NEXMIF: variants seen among roughly 807,000 people sequenced by gnomAD.
NEXMIF encodes the protein neurite extension and migration factor.
Under a neutral mutation model 62.1 loss-of-function variants are expected in NEXMIF, and 8 were observed. The observed-to-expected ratio is 0.13, with a 90% CI of 0.08 to 0.23. NEXMIF has a LOEUF of 0.23. Among genes scored for constraint, NEXMIF ranks in the 10% least tolerant of loss-of-function variants. The probability of loss-of-function intolerance (pLI) is 1.00; values close to 1 mark genes in which losing one functional copy is unlikely to be tolerated. For missense variants in NEXMIF, 976 were observed against 1,113.3 expected (o/e 0.88, Z 1.75); for synonymous variants, 404 against 416.6 (o/e 0.97, Z 0.37).
In NEXMIF at chrX:74,745,647, C is replaced by T; in HGVS notation, c.4G>A (p.Asp2Asn). The T allele has an allele frequency of 8.6e-7, 1 of 1,156,783 alleles. No homozygotes were observed. Among genetic ancestry groups the T allele is most frequent in the Non-Finnish European group, 1.2e-6 (1 of 845,596 alleles). Reference protein sequence around the residue: MDNQQDKAIVAS... With the variant: MNNQQDKAIVAS... Reference sequence around the variant, plus strand: ...ACAATAGCCTTATCTTGTTGGTTATCCATGAATATAACCTCTTATTGTTTC... The same window carrying T: ...ACAATAGCCTTATCTTGTTGGTTATTCATGAATATAACCTCTTATTGTTTC... The change falls in exon 2 of 4, where the codon GAT becomes AAT. Residue 2 changes from aspartate to asparagine, a missense_variant. Transcript: ENST00000055682.
In NEXMIF at chrX:74,875,308, G is replaced by A. The variant is rs182594441; in HGVS notation, c.-48+49575C>T. Among the ~76,000 whole-genome samples the A allele has an allele frequency of 6.0e-4, 67 of 111,497 alleles. 1 individual carries two copies. The highest frequency in any genetic ancestry group is 1.7e-3 in the African/African-American group (53 of 30,668). On this transcript the variant is annotated intron_variant, in intron 1 of 3. Coordinates refer to ENST00000055682, the MANE Select transcript of NEXMIF (RefSeq NM_001008537.3). ...TGCTGGATTACATTTATTGATTTGC[G>A]TATATTGAACCAGCCTTGCATCCCA...
Position 74,920,253 on chromosome X carries a change from G to T in NEXMIF, c.-48+4630C>A, listed in dbSNP as rs976819731. 2.4e-4 allele frequency among the ~76,000 whole-genome samples: 27 copies of T among 110,706 alleles called. No individual in the cohort carries two copies. The Admixed American group carries it at 2.6e-3, about 11-fold the overall frequency. ...TTACAGTCCCAGCAACAGTGTAAAA[G>T]TGTTCCTATTTCTCCACATCCTCTC... is the stretch of plus-strand genomic sequence containing the variant. On this transcript the variant is annotated intron_variant, in intron 1 of 3. Transcript: ENST00000055682.
Position 74,743,619 on chromosome X carries a change from C to T in NEXMIF, c.938G>A (p.Arg313Gln), listed in dbSNP as rs1247214773. The T allele has an allele frequency of 8.3e-7, 1 of 1,211,559 alleles. No homozygotes were observed. The highest frequency in any genetic ancestry group is 1.1e-6 in the Non-Finnish European group (1 of 895,371). Residue 313 changes from arginine to glutamine, a missense_variant, in exon 3 of 4, where the codon CGA becomes CAA. Physicochemically the swap from Arg to Gln is conservative, Grantham distance 43. Coordinates refer to ENST00000055682, the MANE Select transcript of NEXMIF (RefSeq NM_001008537.3). ...AACATTGTCCTGAAAGGATTCATAT[C>T]GAATTTTCAGGGAGCAGACATCACT... Reference protein sequence around the residue: ...LGSDVCSLKIRYESFQDNVRD... With the variant: ...LGSDVCSLKIQYESFQDNVRD...
intron 1 of NEXMIF, among the ~76,000 whole-genome samples, chrX:74,920,196 G>C (rs1368798181): frequency 1.8e-5 from 2 of 110,589 alleles, no homozygotes; most frequent in Non-Finnish European, 3.8e-5. Flanking sequence ...CTGAGGAATC[G>C]CCACACTGAC....
rs1280189960 is a variant in NEXMIF at position 74,884,851 on chromosome X, C to A, written c.-48+40032G>T. On this transcript the variant is annotated intron_variant, in intron 1 of 3. Coordinates refer to ENST00000055682, the MANE Select transcript of NEXMIF (RefSeq NM_001008537.3). ...AAATCAACAGAATATACATTCTTTT[C>A]AGCACCACACCACACCTATTCCAAA... Among the ~76,000 whole-genome samples the A allele has an allele frequency of 5.4e-5, 6 of 111,788 alleles. 1 individual carries two copies. Among genetic ancestry groups the A allele is most frequent in the Admixed American group, 3.8e-4 (4 of 10,545 alleles).
intron 1 of NEXMIF, among the ~76,000 whole-genome samples, chrX:74,905,670 C>T (rs1427031398): frequency 9.1e-6 from 1 of 110,309 alleles, no homozygotes; most frequent in Non-Finnish European, 1.9e-5. Context: ...ATTTGCCAGG[C>T]ATCATGGCGG....
At chrX:74,877,292 TTTTC>T (rs2080639889) in intron 1 of NEXMIF, among the ~76,000 whole-genome samples, 2 of 111,697 alleles carry the variant, frequency 1.8e-5, no homozygotes, top group East Asian at 2.8e-4. Context: ...TTGAAAATTC[TTTTC>T]TTTAAGAATG....
chrX:74,853,287 T>C (rs1010376596), intron 1 of NEXMIF, among the ~76,000 whole-genome samples: 1 of 109,964 alleles, frequency 9.1e-6, no homozygotes, highest in Admixed American at 9.7e-5. Context: ...TTGATTTACA[T>C]AGGGCTCAGG....
chrX:74,833,217 C>T (rs2080444626), intron 1 of NEXMIF, among the ~76,000 whole-genome samples: 1 of 110,779 alleles, frequency 9.0e-6, no homozygotes, highest in Non-Finnish European at 1.9e-5. Context: ...TTGAAGTCTC[C>T]AGCTATTACT....
intron 1 of NEXMIF, among the ~76,000 whole-genome samples, chrX:74,905,886 T>C (rs1480177312): frequency 2.7e-5 from 3 of 112,090 alleles, no homozygotes; most frequent in Non-Finnish European, 1.9e-5. Flanking sequence ...AACGTTGAAC[T>C]ATTTCTTTTC....
chrX:74,754,031 A>C (rs1171938611), intron 1 of NEXMIF, among the ~76,000 whole-genome samples: 1 of 110,524 alleles, frequency 9.0e-6, no homozygotes. Context: ...GTGTGATCTC[A>C]GCTCACTGCA....
chrX:74,805,393 A>G (rs1359157725), intron 1 of NEXMIF, among the ~76,000 whole-genome samples: 2 of 111,947 alleles, frequency 1.8e-5, no homozygotes, highest in African/African-American at 6.5e-5. Context: ...TAAGTTCCTT[A>G]TAGATTCTGA....
chrX:74,868,082 C>G (rs1196796523), intron 1 of NEXMIF, among the ~76,000 whole-genome samples: 1 of 112,054 alleles, frequency 8.9e-6, no homozygotes, highest in African/African-American at 3.2e-5. Flanking sequence ...AAGATACCAT[C>G]TTATGCCAGT....
chrX:74,891,484 T>A (rs958460882), intron 1 of NEXMIF, among the ~76,000 whole-genome samples: 6 of 111,826 alleles, frequency 5.4e-5, no homozygotes, highest in Admixed American at 3.8e-4. Flanking sequence ...CATGGCAACA[T>A]ACTGAATGAT....
At chrX:74,797,461 A>G (rs2080315757) in intron 1 of NEXMIF, among the ~76,000 whole-genome samples, 1 of 112,088 alleles carries the variant, frequency 8.9e-6, no homozygotes, top group East Asian at 2.8e-4. Flanking sequence ...ACTTTTCTGT[A>G]AGTACAAAAG....
intron 1 of NEXMIF, among the ~76,000 whole-genome samples, chrX:74,819,834 TG>T (rs1442232130): frequency 1.8e-5 from 2 of 112,152 alleles, no homozygotes; most frequent in Non-Finnish European, 3.8e-5. Flanking sequence ...ATCCCATTAC[TG>T]GGTATATACC....
intron 1 of NEXMIF, among the ~76,000 whole-genome samples, chrX:74,869,859 G>A (rs2080593994): frequency 9.0e-6 from 1 of 111,276 alleles, no homozygotes; most frequent in Non-Finnish European, 1.9e-5. Flanking sequence ...TTAATGGATT[G>A]CAAGAATCAA....
At chrX:74,756,645 T>A (rs918884264) in intron 1 of NEXMIF, among the ~76,000 whole-genome samples, 3 of 111,283 alleles carry the variant, frequency 2.7e-5, no homozygotes, top group Non-Finnish European at 5.6e-5. Context: ...AGCCTAGCAA[T>A]CATTTATACT....
At position 74,871,882 on chromosome X, in the gene NEXMIF, C is replaced by G. The variant is rs2080602629; in HGVS notation, c.-48+53001G>C. Reference sequence around the variant, plus strand: ...ACAATCAGATTTCATATTGTTGAAACACACATTTTACAAACAATTTGTACA... The same window carrying G: ...ACAATCAGATTTCATATTGTTGAAAGACACATTTTACAAACAATTTGTACA... On this transcript the variant is annotated intron_variant, in intron 1 of 3. Coordinates refer to ENST00000055682, the MANE Select transcript of NEXMIF (RefSeq NM_001008537.3). Among the ~76,000 whole-genome samples, 4 of 111,410 alleles carry G rather than the reference C, an allele frequency of 3.6e-5. No homozygotes were observed. The Admixed American group carries it at 3.9e-4, about 11-fold the overall frequency.
Sources: allele counts gnomAD v4.1 joint callset (sites outside exome capture counted in the v4.1 genomes callset), GRCh38; gene constraint gnomAD v4.1.1; transcripts MANE v1.5; gene names NCBI Gene and HGNC (gene_info 2026-07-23, HGNC 2026-07-21).